The following SUGCT variants were observed in gnomAD, a reference collection of about 807,000 sequenced individuals.
The protein encoded by SUGCT is succinyl-CoA:glutarate-CoA transferase, also known as succinyl-CoA:glutarate CoA-transferase.
Under a neutral mutation model 55.0 loss-of-function variants are expected in SUGCT, and 41 were observed. The observed-to-expected ratio is 0.74, with a 90% CI of 0.58 to 0.97. SUGCT has a LOEUF of 0.97. Ranked by LOEUF, SUGCT falls within the 50% of genes least tolerant of loss-of-function variation. SUGCT has a pLI of 0.00. For synonymous variants in SUGCT, 187 were observed against 200.4 expected, an observed-to-expected ratio of 0.93 and a Z score of 0.56; for missense variants, 568 against 547.8, an observed-to-expected ratio of 1.04 and a Z score of -0.37.
At chr7:40,947,260 A>G in the SUGCT span, among the ~76,000 whole-genome samples, 1 of 152,250 alleles carries the variant, frequency 6.6e-6, no homozygotes, top group African/African-American at 2.4e-5. Context: ...TTTCAGTTGT[A>G]CTTTTCAACT....
chr7:40,565,307 A>C (rs1203803161), intron 12 of SUGCT, among the ~76,000 whole-genome samples: 1 of 152,138 alleles, frequency 6.6e-6, no homozygotes, highest in Non-Finnish European at 1.5e-5. Flanking sequence ...TTAGTCAACT[A>C]ATTTGTGGAA....
the SUGCT span, among the ~76,000 whole-genome samples, chr7:40,973,859 C>T: frequency 6.6e-6 from 1 of 152,018 alleles, no homozygotes; most frequent in African/African-American, 2.4e-5. Flanking sequence ...TTTTGTTTTC[C>T]TTCTAGAGCT....
At chr7:40,898,694 G>T in the SUGCT span, among the ~76,000 whole-genome samples, 5 of 151,278 alleles carry the variant, frequency 3.3e-5, no homozygotes, top group Admixed American at 3.3e-4. Flanking sequence ...GCGAGACTCC[G>T]TCTAAAAAAA....
intron 6 of SUGCT, among the ~76,000 whole-genome samples, chr7:40,216,144 A>G (rs1186728739): frequency 6.6e-6 from 1 of 151,644 alleles, no homozygotes; most frequent in African/African-American, 2.4e-5. Flanking sequence ...TTGGGAAATA[A>G]AAGGTGCTTT....
At chr7:40,467,204 G>GAAAAAAAAAAAAAAA (rs762283927) in intron 11 of SUGCT, among the ~76,000 whole-genome samples, 11 of 83,596 alleles carry the variant, frequency 1.3e-4, no homozygotes, top group African/African-American at 2.6e-4. Flanking sequence ...CTAAGAAAAA[G>GAAAAAAAAAAAAAAA]AAAAAAAAAA....
intron 12 of SUGCT, among the ~76,000 whole-genome samples, chr7:40,518,597 T>C (rs1398359448): frequency 1.3e-5 from 2 of 152,154 alleles, no homozygotes; most frequent in Non-Finnish European, 2.9e-5. Flanking sequence ...TATGATGTTC[T>C]AGAAGCAGTT....
intron 9 of SUGCT, among the ~76,000 whole-genome samples, chr7:40,408,556 A>T (rs936221502): frequency 4.6e-5 from 7 of 152,054 alleles, no homozygotes; most frequent in African/African-American, 1.7e-4. Flanking sequence ...TACCAAAGCA[A>T]TTTTTCCCAC....
chr7:40,641,880 C>G (rs1800285555), intron 12 of SUGCT, among the ~76,000 whole-genome samples: 2 of 152,274 alleles, frequency 1.3e-5, no homozygotes, highest in South Asian at 4.1e-4. Context: ...TGGCTGCATA[C>G]TTTCTTTAAA....
the SUGCT span, among the ~76,000 whole-genome samples, chr7:40,929,085 C>T: frequency 2.6e-5 from 4 of 151,836 alleles, no homozygotes; most frequent in South Asian, 2.1e-4. Context: ...CTTCCCCCAG[C>T]CCGCCACCCC....
intron 12 of SUGCT, among the ~76,000 whole-genome samples, chr7:40,512,026 T>C (rs1792960748): frequency 6.6e-6 from 1 of 152,240 alleles, no homozygotes; most frequent in African/African-American, 2.4e-5. Flanking sequence ...TGAAAGATAA[T>C]TTAAATTCAT....
chr7:40,429,328 G>C (rs1330646864), intron 9 of SUGCT, among the ~76,000 whole-genome samples: 2 of 152,032 alleles, frequency 1.3e-5, no homozygotes, highest in Admixed American at 1.3e-4. Context: ...TATTAGTCAG[G>C]GTTCTCTAGA....
At chr7:40,848,535 C>T (rs1217502932) in intron 13 of SUGCT, among the ~76,000 whole-genome samples, 1 of 151,804 alleles carries the variant, frequency 6.6e-6, no homozygotes, top group Non-Finnish European at 1.5e-5. Context: ...GTGGATAACA[C>T]TGATGACTAT....
chr7:40,759,296 A>G (rs1479318922), intron 13 of SUGCT, among the ~76,000 whole-genome samples: 6 of 152,206 alleles, frequency 3.9e-5, no homozygotes, highest in African/African-American at 1.4e-4. Context: ...GCATTTAACT[A>G]TATTTTGTGA....
the SUGCT span, among the ~76,000 whole-genome samples, chr7:40,969,983 C>G: frequency 2.0e-5 from 3 of 152,130 alleles, no homozygotes; most frequent in African/African-American, 7.2e-5. Context: ...TGCCCTGTGT[C>G]CAACAGAAAC....
At chr7:40,248,939 G>GTC (rs1491017930) in intron 7 of SUGCT, among the ~76,000 whole-genome samples, 1 of 120,740 alleles carries the variant, frequency 8.3e-6, no homozygotes, top group Non-Finnish European at 1.9e-5. Context: ...CTCTCTCTCT[G>GTC]TCTCTCTCTC....
chr7:40,294,307 C>T (rs1038879923), intron 8 of SUGCT, among the ~76,000 whole-genome samples: 3 of 151,960 alleles, frequency 2.0e-5, no homozygotes, highest in Non-Finnish European at 4.4e-5. Flanking sequence ...ACTGAGGCAA[C>T]GAAGATATGG....
intron 1 of SUGCT, chr7:40,151,751 A>C (rs982501741): frequency 6.3e-6 from 1 of 157,770 alleles, no homozygotes; most frequent in Non-Finnish European, 1.4e-5. Flanking sequence ...TGCCCAGTGC[A>C]TTCATTTTGC....
intron 11 of SUGCT, among the ~76,000 whole-genome samples, chr7:40,466,166 C>G (rs901073116): frequency 6.6e-6 from 1 of 152,122 alleles, no homozygotes. Context: ...TCCAACCTCC[C>G]GAAATGCTGG....
chr7:40,700,603 G>T (rs1478523592), intron 12 of SUGCT, among the ~76,000 whole-genome samples: 1 of 152,174 alleles, frequency 6.6e-6, no homozygotes, highest in Non-Finnish European at 1.5e-5. Flanking sequence ...AATGCTGCAT[G>T]ACTTTTCCCT....
Sources: allele counts gnomAD v4.1 joint callset (sites outside exome capture counted in the v4.1 genomes callset), GRCh38; gene constraint gnomAD v4.1.1; transcripts MANE v1.5; gene names NCBI Gene and HGNC (gene_info 2026-07-23, HGNC 2026-07-21).